The following CSMD3 variants were observed in gnomAD, a reference collection of about 807,000 sequenced individuals.
CSMD3 encodes the protein CUB and Sushi multiple domains 3, also known as CUB and sushi domain-containing protein 3.
CSMD3 carries 177 observed loss-of-function variants against 435.2 expected under a neutral mutation model. That is an observed-to-expected ratio of 0.41 (90% CI 0.36 to 0.46). The LOEUF is 0.46. CSMD3 is among the 20% of genes least tolerant of loss of function. CSMD3 has a pLI of 0.34. For synonymous variants in CSMD3, 1,656 were observed against 1,520.5 expected (o/e 1.09, Z -2.07); for missense variants, 4,265 against 4,504.6 (o/e 0.95, Z 1.52).
At chr8:112,300,375 T>C (rs963230213) in intron 53 of CSMD3, among the ~76,000 whole-genome samples, 8 of 151,166 alleles carry the variant, frequency 5.3e-5, no homozygotes, top group African/African-American at 1.9e-4. Context: ...TTGAAATTAG[T>C]ACAACCAAAA....
rs542998913 is a variant in CSMD3 at position 112,367,570 on chromosome 8, C to A, written c.6136+12782G>T. ...CCCCAACATCTAATTGGCCATAAAG[C>A]TTTTCAATTATATCTTATTAATATC... is the stretch of plus-strand genomic sequence containing the variant. On this transcript the variant is annotated intron_variant, in intron 38 of 70. Coordinates refer to ENST00000297405, the MANE Select transcript of CSMD3 (RefSeq NM_198123.2). Among the ~76,000 whole-genome samples the A allele has an allele frequency of 2.6e-5, 4 of 152,278 alleles. No individual in the cohort carries two copies. In the South Asian group the frequency reaches 8.3e-4, roughly 32 times the overall value.
At chr8:113,220,201 A>C (rs926640925) in intron 3 of CSMD3, among the ~76,000 whole-genome samples, 1 of 151,458 alleles carries the variant, frequency 6.6e-6, no homozygotes. Flanking sequence ...TTGATGAAAG[A>C]GCCCAGCCAC....
intron 13 of CSMD3, among the ~76,000 whole-genome samples, chr8:112,710,245 C>G (rs562602088): frequency 2.0e-5 from 3 of 152,218 alleles, no homozygotes; most frequent in Admixed American, 6.5e-5. Context: ...CTATGAGTGA[C>G]AAACAGTGGT....
intron 42 of CSMD3, among the ~76,000 whole-genome samples, chr8:112,338,245 T>A (rs1824765665): frequency 6.7e-6 from 1 of 149,974 alleles, no homozygotes; most frequent in African/African-American, 2.4e-5. Flanking sequence ...TGGAAAAAAA[T>A]TTTATTTTAA....
At position 112,337,600 on chromosome 8, in the gene CSMD3, G is replaced by A. The variant is rs1245395560; in HGVS notation, c.6784C>T (p.Leu2262Phe). The A allele has an allele frequency of 6.2e-7, 1 of 1,613,776 alleles. No individual in the cohort carries two copies. The highest frequency in any genetic ancestry group is 8.5e-7 in the Non-Finnish European group (1 of 1,179,830). ...CGACTGACTCCGTGAAGGCATGTGA[G>A]AGCTGAATTTCCAATTAATGTGTAT... ...PGYTLIGNSA[L>F]TCLHGVSRNW... Residue 2262 changes from leucine to phenylalanine, a missense_variant, in exon 43 of 71, where the codon CTC becomes TTC. Transcript: ENST00000297405.
intron 10 of CSMD3, among the ~76,000 whole-genome samples, chr8:112,918,544 C>G (rs896640712): frequency 6.6e-6 from 1 of 151,778 alleles, no homozygotes; most frequent in Non-Finnish European, 1.5e-5. Flanking sequence ...TCAGGAAGGT[C>G]TAAAATGAAC....
intron 3 of CSMD3, among the ~76,000 whole-genome samples, chr8:113,200,495 T>TA: frequency 6.6e-6 from 1 of 151,920 alleles, no homozygotes; most frequent in Non-Finnish European, 1.5e-5. Flanking sequence ...ATCCATGTCC[T>TA]AAAATGTCTA....
At chr8:113,148,323 A>G (rs1276620714) in intron 4 of CSMD3, among the ~76,000 whole-genome samples, 1 of 151,368 alleles carries the variant, frequency 6.6e-6, no homozygotes, top group Non-Finnish European at 1.5e-5. Context: ...ATCTTTATCT[A>G]TTTACTCTTC....
rs2131062732 is a variant in CSMD3, at chr8:112,352,443, A to T, written c.6228T>A (p.Phe2076Leu). The stretch of plus-strand genomic sequence containing the variant: ...GAAGAGAATATCCTTGATCACACTG[A>T]AAGGATACTACATCTCCAACCATAT... ...DRYMVGDVVS[F>L]QCDQGYSLQG... The change falls in exon 39 of 71, where the codon TTT (phenylalanine) becomes TTA (leucine). Residue 2076 changes from phenylalanine to leucine, a missense_variant. Phe to Leu is a conservative substitution (Grantham distance 22). Coordinates refer to ENST00000297405, the MANE Select transcript of CSMD3 (RefSeq NM_198123.2). 2 of 1,613,604 alleles carry T rather than the reference A, an allele frequency of 1.2e-6. No homozygotes were observed. The highest frequency in any genetic ancestry group is 1.1e-5 in the South Asian group (1 of 91,076).
At chr8:112,265,721 CA>C in intron 59 of CSMD3, 131 bp from the exon 60 acceptor site, 1 of 743,812 alleles carries the variant, frequency 1.3e-6, no homozygotes. Flanking sequence ...AATCATAAAA[CA>C]TAAACATATT....
chr8:113,114,495 T>C (rs190475021), intron 4 of CSMD3, among the ~76,000 whole-genome samples: 1 of 152,220 alleles, frequency 6.6e-6, no homozygotes, highest in East Asian at 1.9e-4. Context: ...GGAAAGATAT[T>C]GGAGAGATAT....
chr8:112,387,528 T>C lies in CSMD3; in HGVS notation c.5934+3136A>G, dbSNP rs974147317. On this transcript the variant is annotated intron_variant, in intron 36 of 70. Coordinates refer to ENST00000297405, the MANE Select transcript of CSMD3 (RefSeq NM_198123.2). ...GTTACAAGTTTCTATGACTCAGTGA[T>C]ATGTCTAAAACTAGCATCCATGTAA... Among the ~76,000 whole-genome samples the C allele has an allele frequency of 3.3e-5, 5 of 150,786 alleles. No individual in the cohort carries two copies. The South Asian group carries it at 8.4e-4, about 25-fold the overall frequency.
intron 5 of CSMD3, among the ~76,000 whole-genome samples, chr8:113,033,490 A>C (rs2087207977): frequency 6.6e-6 from 1 of 151,426 alleles, no homozygotes; most frequent in African/African-American, 2.4e-5. Flanking sequence ...TTGTTTTGAT[A>C]AATTTCTCAT....
At chr8:112,730,633 C>A (rs1443427511) in intron 13 of CSMD3, among the ~76,000 whole-genome samples, 1 of 152,090 alleles carries the variant, frequency 6.6e-6, no homozygotes, top group Non-Finnish European at 1.5e-5. Context: ...TGGGAAAACC[C>A]CGTTTTCTCA....
At chr8:113,432,906 T>C (rs2094683744) in intron 1 of CSMD3, among the ~76,000 whole-genome samples, 1 of 152,130 alleles carries the variant, frequency 6.6e-6, no homozygotes, top group Non-Finnish European at 1.5e-5. Context: ...GGTTTCTCCG[T>C]GTCAATTCAT....
intron 12 of CSMD3, among the ~76,000 whole-genome samples, chr8:112,817,219 T>C (rs1456366664): frequency 6.6e-6 from 1 of 151,942 alleles, no homozygotes; most frequent in Non-Finnish European, 1.5e-5. Context: ...TGCAGAAAAA[T>C]GAAGGAGTAT....
At chr8:112,538,817 C>T (rs901274189) in intron 27 of CSMD3, 1 of 152,032 alleles carries the variant, frequency 6.6e-6, no homozygotes, top group East Asian at 1.9e-4. Context: ...AGTACCAATG[C>T]CATTTTCTTG....
At chr8:113,180,299 A>AT (rs1461990866) in intron 3 of CSMD3, among the ~76,000 whole-genome samples, 1 of 151,978 alleles carries the variant, frequency 6.6e-6, no homozygotes, top group East Asian at 1.9e-4. Flanking sequence ...GTGATACAAA[A>AT]TGTTCTTTAT....
At chr8:112,256,997 C>G (rs569118594) in intron 61 of CSMD3, among the ~76,000 whole-genome samples, 1 of 152,272 alleles carries the variant, frequency 6.6e-6, no homozygotes, top group South Asian at 2.1e-4. Context: ...TAATCTTGGC[C>G]TTAATGTCCA....
Sources: allele counts gnomAD v4.1 joint callset (sites outside exome capture counted in the v4.1 genomes callset), GRCh38; gene constraint gnomAD v4.1.1; transcripts MANE v1.5; gene names NCBI Gene and HGNC (gene_info 2026-07-23, HGNC 2026-07-21).